NXPE2: variants seen among roughly 807,000 people sequenced by gnomAD.
The protein encoded by NXPE2 is NXPE family member 2.
NXPE2 carries 34 observed loss-of-function variants against 34.4 expected under a neutral mutation model. That is an observed-to-expected ratio of 0.99 (90% CI 0.75 to 1.31). The LOEUF (loss-of-function observed/expected upper bound fraction) is 1.31, where lower values mean the gene tolerates loss of function less well. NXPE2 is among the 40% of genes most tolerant of loss of function. The pLI is 0.00. For missense variants in NXPE2, 649 were observed against 672.5 expected (o/e 0.97, Z 0.39); for synonymous variants, 235 against 231.3 (o/e 1.02, Z -0.15).
chr11:114,554,139 A>G, the NXPE2 span: 8 of 985,478 alleles, frequency 8.1e-6, no homozygotes, highest in Non-Finnish European at 8.4e-6. Context: ...ATCCTCAGAC[A>G]GGATTGAATC....
the NXPE2 span, among the ~76,000 whole-genome samples, chr11:114,536,039 A>T: frequency 2.0e-5 from 3 of 152,228 alleles, no homozygotes; most frequent in East Asian, 1.9e-4. Context: ...GAAGTAAAGC[A>T]CTCCTCAGCA....
At chr11:114,569,889 T>G in the NXPE2 span, among the ~76,000 whole-genome samples, 1 of 152,220 alleles carries the variant, frequency 6.6e-6, no homozygotes, top group African/African-American at 2.4e-5. Context: ...GTCTTCTTTC[T>G]GTGGACAGTG....
At chr11:114,484,062 C>A in the NXPE2 span, among the ~76,000 whole-genome samples, 1 of 152,124 alleles carries the variant, frequency 6.6e-6, no homozygotes, top group Admixed American at 6.5e-5. Flanking sequence ...CCATGGAGAA[C>A]TTGGGAAAGT....
At chr11:114,747,861 A>G in the NXPE2 span, among the ~76,000 whole-genome samples, 4 of 152,186 alleles carry the variant, frequency 2.6e-5, no homozygotes, top group Admixed American at 6.5e-5. Flanking sequence ...AGCATTTTTC[A>G]AGAATATGAT....
intron 3 of NXPE2, 69 bp from the exon 4 acceptor site, chr11:114,703,922 C>A: frequency 8.9e-7 from 1 of 1,126,102 alleles, no homozygotes; most frequent in Non-Finnish European, 1.3e-6. Flanking sequence ...TTTAATCCAT[C>A]TAAACCAGTG....
chr11:114,623,177 T>C, the NXPE2 span, among the ~76,000 whole-genome samples: 1 of 151,070 alleles, frequency 6.6e-6, no homozygotes, highest in Admixed American at 6.6e-5. Context: ...TGGATAATAA[T>C]TATTGCCTCT....
chr11:114,601,734 T>C, the NXPE2 span, among the ~76,000 whole-genome samples: 1 of 72,662 alleles, frequency 1.4e-5, no homozygotes, highest in Non-Finnish European at 2.3e-5. Flanking sequence ...TTATATATTA[T>C]ATATAATTAT....
chr11:114,481,884 T>A, the NXPE2 span, among the ~76,000 whole-genome samples: 1 of 152,130 alleles, frequency 6.6e-6, no homozygotes, highest in Non-Finnish European at 1.5e-5. Flanking sequence ...AACACCACTA[T>A]GTTTATACAC....
intron 2 of NXPE2, among the ~76,000 whole-genome samples, chr11:114,684,866 C>T (rs558892229): frequency 1.3e-5 from 2 of 152,250 alleles, no homozygotes; most frequent in South Asian, 2.1e-4. Context: ...ATTACTCTTA[C>T]AGTTCTCTAA....
chr11:114,720,633 A>AC, the NXPE2 span, among the ~76,000 whole-genome samples: 2 of 151,964 alleles, frequency 1.3e-5, no homozygotes, highest in East Asian at 3.9e-4. Flanking sequence ...AAGCAAAAAA[A>AC]CACCAGAATA....
chr11:114,583,908 G>A, the NXPE2 span: 1 of 394,366 alleles, frequency 2.5e-6, no homozygotes, highest in Non-Finnish European at 4.9e-6. Flanking sequence ...GCTGGCAAAG[G>A]CAGATATTAT....
At chr11:114,724,198 G>A in the NXPE2 span, among the ~76,000 whole-genome samples, 1 of 152,138 alleles carries the variant, frequency 6.6e-6, no homozygotes, top group Admixed American at 6.6e-5. Context: ...CCTGAAGGGT[G>A]AGCCAGATCT....
chr11:114,580,494 G>GT, the NXPE2 span, among the ~76,000 whole-genome samples: 2 of 151,994 alleles, frequency 1.3e-5, no homozygotes, highest in African/African-American at 4.8e-5. Context: ...TGGAACAGCT[G>GT]TTTTTTTAAT....
the NXPE2 span, among the ~76,000 whole-genome samples, chr11:114,790,960 T>G: frequency 1.6e-4 from 1 of 6,190 alleles, no homozygotes; most frequent in Non-Finnish European, 2.3e-3. Flanking sequence ...GGATTGGGTG[T>G]TTTTTTTTTT....
At chr11:114,644,551 C>G in the NXPE2 span, among the ~76,000 whole-genome samples, 3 of 152,034 alleles carry the variant, frequency 2.0e-5, no homozygotes, top group Admixed American at 6.6e-5. Flanking sequence ...TTTGCTACTG[C>G]ATGTACAACA....
the NXPE2 span, among the ~76,000 whole-genome samples, chr11:114,500,125 G>A: frequency 6.6e-6 from 1 of 151,652 alleles, no homozygotes; most frequent in Admixed American, 6.6e-5. Flanking sequence ...TATTTTTTGG[G>A]GGTGCATATT....
At chr11:114,751,605 G>A in the NXPE2 span, among the ~76,000 whole-genome samples, 1 of 152,122 alleles carries the variant, frequency 6.6e-6, no homozygotes, top group African/African-American at 2.4e-5. Flanking sequence ...GGAGGGATGA[G>A]ATTTAAAAGC....
the NXPE2 span, among the ~76,000 whole-genome samples, chr11:114,512,422 G>A: frequency 6.6e-6 from 1 of 152,154 alleles, no homozygotes; most frequent in Non-Finnish European, 1.5e-5. Flanking sequence ...GGGTCCAGCA[G>A]GAAATGGATG....
the NXPE2 span, among the ~76,000 whole-genome samples, chr11:114,548,659 AAG>A: frequency 6.6e-6 from 1 of 152,040 alleles, no homozygotes; most frequent in African/African-American, 2.4e-5. Flanking sequence ...ATACAGCTAA[AAG>A]AATTATCAGT....
Sources: allele counts gnomAD v4.1 joint callset (sites outside exome capture counted in the v4.1 genomes callset), GRCh38; gene constraint gnomAD v4.1.1; transcripts MANE v1.5; gene names NCBI Gene and HGNC (gene_info 2026-07-23, HGNC 2026-07-21).